EHBP1: variants seen among roughly 807,000 people sequenced by gnomAD.
EHBP1 encodes the protein EH domain binding protein 1.
EHBP1 carries 55 observed loss-of-function variants against 144.0 expected under a neutral mutation model. The observed-to-expected ratio is 0.38, with a 90% confidence interval of 0.31 to 0.48. The LOEUF is 0.48. Among genes scored for constraint, EHBP1 ranks in the 20% least tolerant of loss-of-function variants. EHBP1 has a pLI of 0.98. For synonymous variants in EHBP1, 469 were observed against 472.7 expected (o/e 0.99, Z 0.10); for missense variants, 1,200 against 1,364.2 (o/e 0.88, Z 1.90).
intron 7 of EHBP1, among the ~76,000 whole-genome samples, chr2:62,836,589 G>GA: frequency 1.0e-5 from 1 of 97,826 alleles, no homozygotes; most frequent in Middle Eastern, 4.3e-3. Context: ...TGAAAACTTT[G>GA]AAAAAAATTT....
chr2:62,993,763 A>G, intron 17 of EHBP1, 95 bp downstream of exon 17: 1 of 788,150 alleles, frequency 1.3e-6, no homozygotes. Flanking sequence ...TATATAGCAT[A>G]TATATATAGT....
chr2:62,749,200 T>C (rs1354074371), intron 3 of EHBP1, among the ~76,000 whole-genome samples: 1 of 152,156 alleles, frequency 6.6e-6, no homozygotes, highest in Admixed American at 6.5e-5. Flanking sequence ...GTGTTCTCAT[T>C]GTTCAATTCC....
At chr2:62,912,619 A>G (rs966421081) in intron 10 of EHBP1, among the ~76,000 whole-genome samples, 2 of 152,208 alleles carry the variant, frequency 1.3e-5, no homozygotes, top group East Asian at 1.9e-4. Context: ...TCAAGTTGAG[A>G]TACAACAAGT....
intron 7 of EHBP1, among the ~76,000 whole-genome samples, chr2:62,846,079 CAG>C (rs2048277733): frequency 6.6e-6 from 1 of 152,130 alleles, no homozygotes; most frequent in African/African-American, 2.4e-5. Context: ...AGAATAGTAA[CAG>C]TAGCAGAAAA....
chr2:62,746,138 C>T (rs1048057500), intron 2 of EHBP1, among the ~76,000 whole-genome samples: 3 of 152,048 alleles, frequency 2.0e-5, no homozygotes, highest in African/African-American at 7.2e-5. Flanking sequence ...TACTGTTCTC[C>T]TCTTGTTAAC....
chr2:62,817,536 G>T (rs1412064858), intron 5 of EHBP1, among the ~76,000 whole-genome samples: 1 of 152,174 alleles, frequency 6.6e-6, no homozygotes, highest in Non-Finnish European at 1.5e-5. Flanking sequence ...GGGCCTGTCG[G>T]TCCAGTAAGG....
At chr2:62,829,882 C>T (rs983297492) in intron 6 of EHBP1, among the ~76,000 whole-genome samples, 1 of 150,158 alleles carries the variant, frequency 6.7e-6, no homozygotes, top group Non-Finnish European at 1.5e-5. Context: ...CAGTTTTACA[C>T]TGCTGGTGAG....
chr2:62,978,448 G>T (rs913290223), intron 14 of EHBP1, among the ~76,000 whole-genome samples: 3 of 152,072 alleles, frequency 2.0e-5, no homozygotes, highest in African/African-American at 4.8e-5. Context: ...TGATCCATCC[G>T]CTTTGGCCTC....
In EHBP1 at chr2:62,859,254, T is replaced by C; in HGVS notation, c.720T>C (p.Ala240=). Residue 240 remains alanine, a synonymous_variant, in exon 8 of 23, where the codon GCT becomes GCC. Coordinates refer to ENST00000431489, the MANE Select transcript of EHBP1 (RefSeq NM_001142616.3). Reference sequence around the variant, plus strand: ...CAAATCCATTTGATGATCCTGATGCTGCAGAATTAAATCCATTTGGAGATC... The same window carrying C: ...CAAATCCATTTGATGATCCTGATGCCGCAGAATTAAATCCATTTGGAGATC... ...VNSNPFDDPD[A]AELNPFGDPD... 6.2e-7 allele frequency: 1 copy of C among 1,610,788 alleles called. No individual in the cohort carries two copies. Among genetic ancestry groups the C allele is most frequent in the Non-Finnish European group, 8.5e-7 (1 of 1,177,786 alleles).
intron 1 of EHBP1, among the ~76,000 whole-genome samples, chr2:62,698,227 A>G (rs1227084814): frequency 3.3e-5 from 5 of 152,260 alleles, no homozygotes; most frequent in African/African-American, 1.2e-4. Flanking sequence ...TTCAAATATA[A>G]TCAAGTTGTG....
chr2:62,852,429 A>G (rs2048744762), intron 7 of EHBP1, among the ~76,000 whole-genome samples: 1 of 151,918 alleles, frequency 6.6e-6, no homozygotes, highest in African/African-American at 2.4e-5. Context: ...TATATTTTAT[A>G]TTTTCATAGT....
At chr2:62,958,120 G>A (rs1558982142) in intron 14 of EHBP1, among the ~76,000 whole-genome samples, 1 of 152,078 alleles carries the variant, frequency 6.6e-6, no homozygotes, top group Non-Finnish European at 1.5e-5. Context: ...TTTGCCAGTA[G>A]GAATGTAAAA....
At chr2:63,030,557 G>A (rs749277767) in intron 19 of EHBP1, among the ~76,000 whole-genome samples, 11 of 148,692 alleles carry the variant, frequency 7.4e-5, no homozygotes, top group East Asian at 4.0e-4. Context: ...GTGCAATCTC[G>A]GCCCACTGCA....
intron 10 of EHBP1, among the ~76,000 whole-genome samples, chr2:62,904,211 G>A (rs1434685317): frequency 2.6e-5 from 4 of 152,310 alleles, no homozygotes; most frequent in Non-Finnish European, 4.4e-5. Context: ...TGTCTTACTG[G>A]TTTGGTAGAA....
chr2:62,837,534 C>A (rs975689742), intron 7 of EHBP1, among the ~76,000 whole-genome samples: 1 of 152,008 alleles, frequency 6.6e-6, no homozygotes, highest in African/African-American at 2.4e-5. Flanking sequence ...AATTAAAAGA[C>A]ACAGACTGGC....
intron 12 of EHBP1, among the ~76,000 whole-genome samples, chr2:62,944,585 G>A (rs2056957111): frequency 6.6e-6 from 1 of 152,152 alleles, no homozygotes; most frequent in South Asian, 2.1e-4. Flanking sequence ...GCATTTCTCA[G>A]CATATATCCC....
chr2:62,966,954 G>A (rs1446808795), intron 14 of EHBP1, among the ~76,000 whole-genome samples: 2 of 152,154 alleles, frequency 1.3e-5, no homozygotes, highest in South Asian at 2.1e-4. Context: ...GCCATATGCT[G>A]TAGCCTTTAA....
At chr2:62,876,929 A>G (rs1215890442) in intron 10 of EHBP1, among the ~76,000 whole-genome samples, 4 of 152,206 alleles carry the variant, frequency 2.6e-5, no homozygotes, top group Non-Finnish European at 5.9e-5. Flanking sequence ...ACTATAAAGC[A>G]TCTACACAAT....
intron 19 of EHBP1, among the ~76,000 whole-genome samples, chr2:63,008,679 A>G (rs1474231101): frequency 6.6e-6 from 1 of 150,902 alleles, no homozygotes; most frequent in Non-Finnish European, 1.5e-5. Context: ...CCTAAAAATA[A>G]TAAATGTTAT....
Sources: allele counts gnomAD v4.1 joint callset (sites outside exome capture counted in the v4.1 genomes callset), GRCh38; gene constraint gnomAD v4.1.1; transcripts MANE v1.5; gene names NCBI Gene and HGNC (gene_info 2026-07-23, HGNC 2026-07-21).